The following YWHAZ variants were observed in gnomAD, a reference collection of about 807,000 sequenced individuals.
YWHAZ encodes the protein 14-3-3 protein zeta/delta.
For missense variants in YWHAZ, 79 were observed against 284.8 expected (o/e 0.28, Z 5.20); for synonymous variants, 87 against 103.6 (o/e 0.84, Z 0.97).
In YWHAZ at chr8:100,950,690, C is replaced by G. The variant is rs1244902269; in HGVS notation, c.-12+1239G>C. 1.1e-5 allele frequency: 9 copies of G among 793,630 alleles called. No homozygotes were observed. The East Asian group carries it at 8.8e-4, about 78-fold the overall frequency. The allele number at this position is 793,630 out of a possible 1,614,324, so 49.2% of individuals were successfully genotyped here. A position where few individuals can be genotyped will look rare whatever the true frequency, so the allele number is the denominator to read the frequency against. ...GGGGAGAGATGGGGAGCGAAGCCGC[C>G]CGACCCCGGGGCAGAGACGCCACAG... On this transcript the variant is annotated intron_variant, in intron 1 of 5. Transcript: ENST00000395958.
chr8:100,948,160 A>G lies in YWHAZ; in HGVS notation c.294+436T>C. On this transcript the variant is annotated intron_variant, in intron 2 of 5. Coordinates refer to ENST00000395958, the MANE Select transcript of YWHAZ (RefSeq NM_145690.3). This position sits in a 1 kb window ranked among gnomAD's most constrained non-coding sequence, Gnocchi z 4.2. ...GGTTGACTCATTACATTAACATTAT[A>G]GCGGCTAATCCTGAGAAGAGTACTA... 6.5e-7 allele frequency: 1 copy of G among 1,532,542 alleles called. No individual in the cohort carries two copies. The highest frequency in any genetic ancestry group is 1.2e-5 in the South Asian group (1 of 83,460). 94.9% of individuals were successfully genotyped at this position (1,532,542 alleles called of 1,614,324 possible). A position where few individuals can be genotyped will look rare whatever the true frequency, so the allele number is the denominator to read the frequency against.
Position 100,948,079 on chromosome 8 carries a change from T to C in YWHAZ, c.294+517A>G, listed in dbSNP as rs950786885. ...GGTTGTGAGTGTTCAAAATTTACCT[T>C]CAAGAATTCAATGCAGGAAGAGGTT... is the stretch of plus-strand genomic sequence containing the variant. On this transcript the variant is annotated intron_variant, in intron 2 of 5. Transcript: ENST00000395958. The surrounding 1 kb of genome is among the most constrained non-coding windows in gnomAD (Gnocchi z 4.2). 5.9e-6 allele frequency: 9 copies of C among 1,533,182 alleles called. No homozygotes were observed. In the African/African-American group the frequency reaches 9.6e-5, roughly 16 times the overall value. The allele number at this position is 1,533,182 out of a possible 1,614,324, so 95.0% of individuals were successfully genotyped here.
At chr8:100,941,559 T>C (rs1165416880) in intron 2 of YWHAZ, among the ~76,000 whole-genome samples, 8 of 151,992 alleles carry the variant, frequency 5.3e-5, no homozygotes, top group Non-Finnish European at 1.0e-4. Flanking sequence ...CCGGGGTGGG[T>C]GGATCACCTG....
intron 2 of YWHAZ, among the ~76,000 whole-genome samples, chr8:100,934,305 G>A (rs1346247903): frequency 1.3e-5 from 2 of 148,732 alleles, no homozygotes; most frequent in African/African-American, 5.0e-5. Context: ...CAGCATGGGG[G>A]ACAGAGGGAG....
At chr8:100,943,990 AAAAAAAAGAAAAAAG>A (rs1047250871) in intron 2 of YWHAZ, among the ~76,000 whole-genome samples, 5 of 150,852 alleles carry the variant, frequency 3.3e-5, no homozygotes, top group African/African-American at 4.9e-5. Context: ...CCGTCTCAAA[AAAAAAAAGAAAAAAG>A]AAAAAAAGAA....
At chr8:100,923,742 ATG>A in intron 5 of YWHAZ, 1 of 422,750 alleles carries the variant, frequency 2.4e-6, no homozygotes. Context: ...TAACTCATCA[ATG>A]TGTGTATTTT....
chr8:100,943,416 C>A (rs1466861908), intron 2 of YWHAZ, among the ~76,000 whole-genome samples: 1 of 152,172 alleles, frequency 6.6e-6, no homozygotes, highest in African/African-American at 2.4e-5. Context: ...CTTAAAAATT[C>A]TCACACACAC....
Position 100,948,176 on chromosome 8 carries a change from A to G in YWHAZ, c.294+420T>C. The stretch of plus-strand genomic sequence containing the variant: ...TAACATTATAGCGGCTAATCCTGAG[A>G]AGAGTACTATTTCTACAATGAGTAT... On this transcript the variant is annotated intron_variant, in intron 2 of 5. Coordinates refer to ENST00000395958, the MANE Select transcript of YWHAZ (RefSeq NM_145690.3). The surrounding 1 kb of genome is among the most constrained non-coding windows in gnomAD (Gnocchi z 4.2). 6.6e-7 allele frequency: 1 copy of G among 1,516,888 alleles called. No homozygotes were observed. Among genetic ancestry groups the G allele is most frequent in the African/African-American group, 1.4e-5 (1 of 72,420 alleles). The allele number at this position is 1,516,888 out of a possible 1,614,324, so 94.0% of individuals were successfully genotyped here.
chr8:100,927,784 G>A (rs906158793), intron 2 of YWHAZ, among the ~76,000 whole-genome samples: 7 of 152,178 alleles, frequency 4.6e-5, no homozygotes, highest in Admixed American at 4.6e-4. Context: ...GCAGTTCCCT[G>A]GGAATTAAAA....
At position 100,917,891 on chromosome 8, in the gene YWHAZ, G is replaced by A. The variant is rs1413487674; in HGVS notation, c.*2802C>T. On this transcript the variant is annotated 3_prime_UTR_variant, in exon 6 of 6. Coordinates refer to ENST00000395958, the MANE Select transcript of YWHAZ (RefSeq NM_145690.3). ...CAAATTCCAAAACAAAGAATCTCAG[G>A]TTGGAAATTTTCCTTAATCTATTGG... The A allele has an allele frequency of 1.3e-5, 2 of 152,126 alleles. No individual in the cohort carries two copies. Among genetic ancestry groups the A allele is most frequent in the South Asian group, 2.1e-4 (1 of 4,830 alleles). 9.4% of individuals were successfully genotyped at this position (152,126 alleles called of 1,614,324 possible).
chr8:100,918,592 A>T lies in YWHAZ; in HGVS notation c.*2101T>A. 6.6e-6 allele frequency: 1 copy of T among 151,404 alleles called. No homozygotes were observed. Among genetic ancestry groups the T allele is most frequent in the East Asian group, 1.9e-4 (1 of 5,146 alleles). 9.4% of individuals were successfully genotyped at this position (151,404 alleles called of 1,614,324 possible). ...ACCCCAAGGTCTCCATTGCACTTTTATTTGAATGTAATATTTGGGACAATT... is the reference window on the plus strand; with the variant it reads ...ACCCCAAGGTCTCCATTGCACTTTTTTTTGAATGTAATATTTGGGACAATT... On this transcript the variant is annotated 3_prime_UTR_variant, in exon 6 of 6. Coordinates refer to ENST00000395958, the MANE Select transcript of YWHAZ (RefSeq NM_145690.3).
At chr8:100,927,763 T>A (rs1282181104) in intron 2 of YWHAZ, among the ~76,000 whole-genome samples, 3 of 152,234 alleles carry the variant, frequency 2.0e-5, no homozygotes, top group Non-Finnish European at 4.4e-5. Flanking sequence ...CTGGGTAATA[T>A]GCTGAACTAA....
intron 1 of YWHAZ, chr8:100,951,616 G>A: frequency 3.0e-6 from 3 of 985,274 alleles, no homozygotes; most frequent in Non-Finnish European, 3.6e-6. Context: ...TCGGGAGCCG[G>A]CGACAGGGAG....
At chr8:100,943,968 C>A (rs1426152191) in intron 2 of YWHAZ, among the ~76,000 whole-genome samples, 1 of 125,142 alleles carries the variant, frequency 8.0e-6, no homozygotes. Flanking sequence ...GCCTAGGCGA[C>A]AGAGCAAGAC....
intron 2 of YWHAZ, among the ~76,000 whole-genome samples, chr8:100,926,503 C>T (rs1017840709): frequency 1.6e-4 from 25 of 152,098 alleles, no homozygotes; most frequent in South Asian, 6.2e-4. Flanking sequence ...TGGTGACGGG[C>T]GCCTGTAATC....
Position 100,918,408 on chromosome 8 carries a change from T to TATATATATATATATATATA in YWHAZ, c.*2284_*2285insTATATATATATATATATAT, listed in dbSNP as rs1554611374. On this transcript the variant is annotated 3_prime_UTR_variant, in exon 6 of 6. Transcript: ENST00000395958. ...AGTCTAGCTATAAAATATAATTACT[T>TATATATATATATATATATA]TATATATATATATATATATATATAT... is the stretch of plus-strand genomic sequence containing the variant. The TATATATATATATATATATA allele has an allele frequency of 7.2e-5, 3 of 41,882 alleles. No homozygotes were observed. Among genetic ancestry groups the TATATATATATATATATATA allele is most frequent in the South Asian group, 1.3e-3 (1 of 796 alleles). The allele number at this position is 41,882 out of a possible 1,614,324, so 2.6% of individuals were successfully genotyped here.
rs757879431 is a variant in YWHAZ, at chr8:100,916,686, G to T, written c.*4007C>A. Reference sequence around the variant, plus strand: ...ATATGATCAAATATTCACATCTCTGGTATCACCTAGGATTGGCTAACATTA... The same window carrying T: ...ATATGATCAAATATTCACATCTCTGTTATCACCTAGGATTGGCTAACATTA... On this transcript the variant is annotated 3_prime_UTR_variant, in exon 6 of 6. Transcript: ENST00000395958. 2 of 152,164 alleles carry T rather than the reference G, an allele frequency of 1.3e-5. No individual in the cohort carries two copies. The highest frequency in any genetic ancestry group is 2.9e-5 in the Non-Finnish European group (2 of 68,020). 9.4% of individuals were successfully genotyped at this position (152,164 alleles called of 1,614,324 possible).
chr8:100,931,082 T>C (rs1813726366), intron 2 of YWHAZ, among the ~76,000 whole-genome samples: 1 of 152,214 alleles, frequency 6.6e-6, no homozygotes, highest in Non-Finnish European at 1.5e-5. Flanking sequence ...TTTTTCTCTC[T>C]ACTGCACCGT....
At chr8:100,951,606 T>C (rs1810788908) in intron 1 of YWHAZ, 1 of 984,538 alleles carries the variant, frequency 1.0e-6, no homozygotes, top group African/African-American at 1.8e-5. Flanking sequence ...TCGTCCACCT[T>C]CGGGAGCCGG....
Sources: gnomAD v4.1 joint callset for allele counts (sites outside exome capture counted in the v4.1 genomes callset) on GRCh38, gnomAD v4.1.1 for gene constraint, Gnocchi (gnomAD v3.1) non-coding constraint, MANE v1.5 for transcripts, NCBI Gene and HGNC (gene_info 2026-07-23, HGNC 2026-07-21) for gene names.